NR2C2AP: variants seen among roughly 807,000 people sequenced by gnomAD.
NR2C2AP encodes the protein nuclear receptor 2C2-associated protein.
NR2C2AP carries 13 observed loss-of-function variants against 19.1 expected under a neutral mutation model. The observed-to-expected ratio is 0.68, with a 90% CI of 0.44 to 1.08. The LOEUF (loss-of-function observed/expected upper bound fraction) is 1.08, where lower values mean the gene tolerates loss of function less well. Ranked by LOEUF, NR2C2AP falls within the 50% of genes least tolerant of loss-of-function variation. NR2C2AP has a pLI of 0.00. For missense variants in NR2C2AP, 181 were observed against 172.7 expected (o/e 1.05, Z -0.27); for synonymous variants, 81 against 64.4 (o/e 1.26, Z -1.23).
intron 3 of NR2C2AP, 23 bp from the exon 4 acceptor site, chr19:19,202,421 GTGTC>G (rs2060734606): frequency 1.9e-6 from 3 of 1,613,848 alleles, no homozygotes; most frequent in African/African-American, 1.3e-5. Context: ...AAGGCAATGA[GTGTC>G]TGGGGTGACC....
rs1168788965 is a variant in NR2C2AP, at chr19:19,202,129, C to T, written c.304-88G>A. On this transcript the variant is annotated intron_variant, in intron 4 of 4. Coordinates refer to ENST00000331552, the MANE Select transcript of NR2C2AP (RefSeq NM_176880.6). ...CTTCCAGACCCAGCTCACACTCCACCGATGTGGGCAACCTGGGGAAGCTGC... is the reference window on the plus strand; with the variant it reads ...CTTCCAGACCCAGCTCACACTCCACTGATGTGGGCAACCTGGGGAAGCTGC... 1.2e-5 allele frequency: 17 copies of T among 1,431,778 alleles called. No individual in the cohort carries two copies. The Admixed American group carries it at 2.2e-4, about 19-fold the overall frequency. 88.7% of individuals were successfully genotyped at this position (1,431,778 alleles called of 1,614,324 possible).
chr19:19,201,621 A>G lies in NR2C2AP; in HGVS notation c.*304T>C, dbSNP rs140834876. 1,483 of 1,613,910 alleles carry G rather than the reference A, an allele frequency of 9.2e-4. 7 individuals carry two copies. The highest frequency in any genetic ancestry group is 1.2e-3 in the Admixed American group (75 of 60,018). ...CACCCCACTCCCGATTCAAGCTCAC[A>G]GCCCACCTTTTCCCTGCCCCATCTC... is the stretch of plus-strand genomic sequence containing the variant. On this transcript the variant is annotated 3_prime_UTR_variant, in exon 5 of 5. Coordinates refer to ENST00000331552, the MANE Select transcript of NR2C2AP (RefSeq NM_176880.6).
rs933534422 is a variant in NR2C2AP at position 19,202,699 on chromosome 19, C to T, written c.129+92G>A. 6.3e-6 allele frequency: 9 copies of T among 1,430,514 alleles called. No homozygotes were observed. In the Admixed American group the frequency reaches 8.6e-5, roughly 14 times the overall value. 88.6% of individuals were successfully genotyped at this position (1,430,514 alleles called of 1,614,324 possible). The stretch of plus-strand genomic sequence containing the variant: ...AGGAAATTCGGCACATGTTCCTTTC[C>T]TGGCCACCCATGAGGGCCCCCTGAC... On this transcript the variant is annotated intron_variant, in intron 2 of 4. Transcript: ENST00000331552.
At position 19,202,315 on chromosome 19, in the gene NR2C2AP, A is replaced by G. The variant is rs1446251444; in HGVS notation, c.303+16T>C. The stretch of plus-strand genomic sequence containing the variant: ...AGAGGCACAGACCACCCACCCCAGA[A>G]GCAGGGGCAGGATATCTGAAGCGAG... On this transcript the variant is annotated intron_variant, in intron 4 of 4. Transcript: ENST00000331552. 1 of 1,612,672 alleles carries G rather than the reference A, an allele frequency of 6.2e-7. No individual in the cohort carries two copies. The highest frequency in any genetic ancestry group is 8.5e-7 in the Non-Finnish European group (1 of 1,178,610).
intron 4 of NR2C2AP, 89 bp downstream of exon 4, chr19:19,202,242 A>G: frequency 7.5e-7 from 1 of 1,341,726 alleles, no homozygotes; most frequent in South Asian, 1.2e-5. Flanking sequence ...CGTGTTCAAG[A>G]TCACACATCA....
At chr19:19,202,975 G>A (rs1245715081) in intron 1 of NR2C2AP, 48 bp downstream of exon 1, 3 of 1,612,606 alleles carry the variant, frequency 1.9e-6, no homozygotes, top group East Asian at 4.5e-5. Context: ...CTGAGGGCTC[G>A]ACCCCAGGCT....
rs375809386 is a variant in NR2C2AP, at chr19:19,202,044, G to C, written c.304-3C>G. On this transcript the variant is annotated splice_polypyrimidine_tract_variant and splice_region_variant and intron_variant, in intron 4 of 4. Coordinates refer to ENST00000331552, the MANE Select transcript of NR2C2AP (RefSeq NM_176880.6). ...TCAGCAGCTGGTATGGGGAAAGTGT[G>C]AGCGTGGGCAGTCAAGGGAAACTGG... The C allele has an allele frequency of 9.0e-5, 146 of 1,613,966 alleles. No homozygotes were observed. In the Admixed American group the frequency reaches 9.3e-4, roughly 10 times the overall value.
Position 19,203,265 on chromosome 19 carries a change from GGA to G in NR2C2AP, c.-207_-206del, listed in dbSNP as rs1289964693. 3.2e-6 allele frequency: 2 copies of G among 620,866 alleles called. No homozygotes were observed. Among genetic ancestry groups the G allele is most frequent in the African/African-American group, 3.6e-5 (2 of 54,840 alleles). 38.5% of individuals were successfully genotyped at this position (620,866 alleles called of 1,614,324 possible). A position where few individuals can be genotyped will look rare whatever the true frequency, so the allele number is the denominator to read the frequency against. Reference sequence around the variant, plus strand: ...GATCAATCCCCTGCCGGAAAATTTGGGAGAGAGGATCAGGGAAACCGCCAATG... The same window carrying G: ...GATCAATCCCCTGCCGGAAAATTTGGGAGAGGATCAGGGAAACCGCCAATG... On this transcript the variant is annotated 5_prime_UTR_variant, in exon 1 of 5. Transcript: ENST00000331552.
At position 19,201,603 on chromosome 19, in the gene NR2C2AP, C is replaced by G. The variant is rs949111210; in HGVS notation, c.*322G>C. 3.1e-6 allele frequency: 5 copies of G among 1,613,350 alleles called. No individual in the cohort carries two copies. The highest frequency in any genetic ancestry group is 4.2e-6 in the Non-Finnish European group (5 of 1,179,978). On this transcript the variant is annotated 3_prime_UTR_variant, in exon 5 of 5. Coordinates refer to ENST00000331552, the MANE Select transcript of NR2C2AP (RefSeq NM_176880.6). Reference sequence around the variant, plus strand: ...CAGGTTGGCCTGTGCCTCCACCCCACTCCCGATTCAAGCTCACAGCCCACC... The same window carrying G: ...CAGGTTGGCCTGTGCCTCCACCCCAGTCCCGATTCAAGCTCACAGCCCACC...
rs2060745455 is a variant in NR2C2AP at position 19,203,399 on chromosome 19, T to G, written c.-339A>C. ...GCGAATAGCTCTTGGAGCCAAATCTTGGGACCCGGAACCGCGTGGGCTTGG... is the reference window on the plus strand; with the variant it reads ...GCGAATAGCTCTTGGAGCCAAATCTGGGGACCCGGAACCGCGTGGGCTTGG... On this transcript the variant is annotated 5_prime_UTR_variant, in exon 1 of 5. Coordinates refer to ENST00000331552, the MANE Select transcript of NR2C2AP (RefSeq NM_176880.6). 2 of 418,712 alleles carry G rather than the reference T, an allele frequency of 4.8e-6. No homozygotes were observed. The highest frequency in any genetic ancestry group is 1.0e-4 in the East Asian group (2 of 20,046). 25.9% of individuals were successfully genotyped at this position (418,712 alleles called of 1,614,324 possible). A position where few individuals can be genotyped will look rare whatever the true frequency, so the allele number is the denominator to read the frequency against.
chr19:19,201,433 A>G lies in NR2C2AP; in HGVS notation c.*492T>C, dbSNP rs759174304. On this transcript the variant is annotated 3_prime_UTR_variant, in exon 5 of 5. Coordinates refer to ENST00000331552, the MANE Select transcript of NR2C2AP (RefSeq NM_176880.6). ...ATTTTGCTTGGTAGGAAATATTTTT[A>G]TATTAATTCTGAAAAGCTACAAAAG... 1.1e-5 allele frequency: 17 copies of G among 1,492,582 alleles called. No homozygotes were observed. In the East Asian group the frequency reaches 1.5e-4, roughly 13 times the overall value. The allele number at this position is 1,492,582 out of a possible 1,614,324, so 92.5% of individuals were successfully genotyped here.
chr19:19,202,240 A>C (rs568947756), intron 4 of NR2C2AP, 91 bp downstream of exon 4: 2 of 1,331,028 alleles, frequency 1.5e-6, no homozygotes, highest in East Asian at 4.6e-5. Context: ...CACGTGTTCA[A>C]GATCACACAT....
Position 19,203,020 on chromosome 19 carries a change from T to G in NR2C2AP, c.38+3A>C. The G allele has an allele frequency of 6.2e-7, 1 of 1,614,132 alleles. No individual in the cohort carries two copies. The highest frequency in any genetic ancestry group is 1.1e-5 in the South Asian group (1 of 91,082). ...GCCACTGCCTGTCCCCACAGACTCT[T>G]ACCTGCTCACTGTCTCTGGACAAAC... On this transcript the variant is annotated splice_donor_region_variant and intron_variant, in intron 1 of 4. Coordinates refer to ENST00000331552, the MANE Select transcript of NR2C2AP (RefSeq NM_176880.6).
rs373739588 is a variant in NR2C2AP, at chr19:19,202,336, G to C, written c.298C>G (p.Leu100Val). 6.2e-7 allele frequency: 1 copy of C among 1,614,064 alleles called. No homozygotes were observed. Among genetic ancestry groups the C allele is most frequent in the Non-Finnish European group, 8.5e-7 (1 of 1,179,996 alleles). Residue 100 changes from leucine (L) to valine (V), a missense_variant, in exon 4 of 5, where the codon CTT (leucine) becomes GTT (valine). Physicochemically the swap from Leu to Val is conservative, Grantham distance 32 (BLOSUM62 1). Coordinates refer to ENST00000331552, the MANE Select transcript of NR2C2AP (RefSeq NM_176880.6). ...VDFYPEDNNS[L>V]QTFPIPAAEV... ...CAGAAGCAGGGGCAGGATATCTGAA[G>C]CGAGTTGTTGTCCTCAGGGTAGAAA...
rs1200534393 is a variant in NR2C2AP at position 19,202,451 on chromosome 19, A to C, written c.235+19T>G. On this transcript the variant is annotated intron_variant, in intron 3 of 4. Transcript: ENST00000331552. ...TGGGGTGACCCCTGGAACCCCTGCC[A>C]CCCAGGGCCTTCTAGTACCTTCCAG... The C allele has an allele frequency of 1.2e-6, 2 of 1,612,964 alleles. No individual in the cohort carries two copies. Among genetic ancestry groups the C allele is most frequent in the South Asian group, 2.2e-5 (2 of 91,060 alleles).
At position 19,202,879 on chromosome 19, in the gene NR2C2AP, A is replaced by T. The variant is rs1483525008; in HGVS notation, c.41T>A (p.Val14Glu). ...AGTGTTGCGATTCAGCACTGAACTC[A>T]CCCTGGAGGCACCAGGATCAAGGCG... ...SLVCPETVSR[V>E]SSVLNRNTRQ... Residue 14 changes from valine to glutamate, a missense_variant and splice_region_variant, in exon 2 of 5, where the codon GTG becomes GAG. By Grantham distance (121) the Val-to-Glu change is moderately radical. Coordinates refer to ENST00000331552, the MANE Select transcript of NR2C2AP (RefSeq NM_176880.6). The T allele has an allele frequency of 8.1e-6, 13 of 1,613,576 alleles. No individual in the cohort carries two copies. Among genetic ancestry groups the T allele is most frequent in the African/African-American group, 1.3e-5 (1 of 75,036 alleles).
At position 19,202,341 on chromosome 19, in the gene NR2C2AP, T is replaced by C. The variant is rs2060733501; in HGVS notation, c.293A>G (p.Asn98Ser). The change falls in exon 4 of 5, where the codon AAC becomes AGC. Residue 98 changes from asparagine to serine, a missense_variant. By Grantham distance (46) the Asn-to-Ser change is conservative. Coordinates refer to ENST00000331552, the MANE Select transcript of NR2C2AP (RefSeq NM_176880.6). ...KIVDFYPEDN[N>S]SLQTFPIPAA... ...GCAGGGGCAGGATATCTGAAGCGAG[T>C]TGTTGTCCTCAGGGTAGAAATCTAC... 6.2e-7 allele frequency: 1 copy of C among 1,613,960 alleles called. No individual in the cohort carries two copies. The highest frequency in any genetic ancestry group is 1.3e-5 in the African/African-American group (1 of 74,980).
In NR2C2AP at chr19:19,202,025, G is replaced by A. The variant is rs770294319; in HGVS notation, c.320C>T (p.Ala107Val). The part of the protein sequence containing the change: ...NNSLQTFPIP[A>V]AEVDRLKVTF... ...CACCTTCAGCCGGTCCACTTCAGCA[G>A]CTGGTATGGGGAAAGTGTGAGCGTG... is the stretch of plus-strand genomic sequence containing the variant. The change falls in exon 5 of 5, where the codon GCT becomes GTT. Residue 107 changes from alanine (A) to valine (V), a missense_variant. Physicochemically the swap from Ala to Val is moderately conservative, Grantham distance 64. Transcript: ENST00000331552. 10 of 1,614,182 alleles carry A rather than the reference G, an allele frequency of 6.2e-6. No homozygotes were observed. The East Asian group carries it at 6.7e-5, about 11-fold the overall frequency.
At position 19,203,378 on chromosome 19, in the gene NR2C2AP, A is replaced by G. The variant is rs1295378120; in HGVS notation, c.-318T>C. ...TTTGTGCGAGGCTGTTTCTCTGCGA[A>G]TAGCTCTTGGAGCCAAATCTTGGGA... On this transcript the variant is annotated 5_prime_UTR_variant, in exon 1 of 5. Coordinates refer to ENST00000331552, the MANE Select transcript of NR2C2AP (RefSeq NM_176880.6). 4.3e-6 allele frequency: 2 copies of G among 468,124 alleles called. No homozygotes were observed. The highest frequency in any genetic ancestry group is 3.9e-5 in the African/African-American group (2 of 50,906). 29.0% of individuals were successfully genotyped at this position (468,124 alleles called of 1,614,324 possible).
Sources: allele counts gnomAD v4.1 joint callset, GRCh38; gene constraint gnomAD v4.1.1; transcripts MANE v1.5; gene names NCBI Gene and HGNC (gene_info 2026-07-23, HGNC 2026-07-21).